GPR155: variants seen among roughly 807,000 people sequenced by gnomAD.
GPR155 encodes G protein-coupled receptor 155.
In GPR155, 65 loss-of-function variants were observed where a neutral mutation model predicts 93.1. The observed-to-expected ratio is 0.70, with a 90% confidence interval of 0.57 to 0.86. GPR155 has a LOEUF of 0.86. GPR155 is among the 40% of genes least tolerant of loss of function. The pLI, the probability that GPR155 is intolerant of heterozygous loss-of-function variation, is 0.00. For missense variants in GPR155, 838 were observed against 1,034.8 expected, an observed-to-expected ratio of 0.81 and a Z score of 2.61; for synonymous variants, 319 against 360.1, an observed-to-expected ratio of 0.89 and a Z score of 1.29.
chr2:174,471,621 G>A (rs1180685104), intron 3 of GPR155, among the ~76,000 whole-genome samples: 1 of 151,904 alleles, frequency 6.6e-6, no homozygotes, highest in Non-Finnish European at 1.5e-5. Context: ...GAGCAAATAG[G>A]GCTCTCCTTT....
At chr2:174,466,735 G>A (rs537036864) in intron 5 of GPR155, 108 bp from the exon 6 acceptor site, 32 of 613,808 alleles carry the variant, frequency 5.2e-5, no homozygotes, top group Admixed American at 2.8e-4. Flanking sequence ...GTCCTGGTTC[G>A]GAAAGAATTT....
intron 14 of GPR155, 22 bp from the exon 15 acceptor site, chr2:174,440,057 A>T: frequency 6.2e-7 from 1 of 1,601,148 alleles, no homozygotes; most frequent in Non-Finnish European, 8.5e-7. Context: ...ATTTATGGCC[A>T]TTTTTAAGGA....
rs114206463 is a variant in GPR155, at chr2:174,484,584, T to A, written c.-32+2289A>T. 9.3e-3 allele frequency among the ~76,000 whole-genome samples: 1,420 copies of A among 152,312 alleles called. 9 individuals are homozygous for A. The highest frequency in any genetic ancestry group is 0.015 in the Non-Finnish European group (1,054 of 68,034). ...GCTTTATGGTTTATCAACTCATAAG[T>A]TACTTAGTCTTTCTGAACCTTTGTT... On this transcript the variant is annotated intron_variant, in intron 1 of 15. Coordinates refer to ENST00000392552, the MANE Select transcript of GPR155 (RefSeq NM_152529.7).
chr2:174,463,538 G>A (rs1163499715), intron 7 of GPR155, among the ~76,000 whole-genome samples: 1 of 152,160 alleles, frequency 6.6e-6, no homozygotes, highest in Non-Finnish European at 1.5e-5. Context: ...TTTGAGTCAA[G>A]TGAAGGCCAA....
chr2:174,469,395 A>C (rs755715130), intron 4 of GPR155, among the ~76,000 whole-genome samples: 4 of 152,258 alleles, frequency 2.6e-5, no homozygotes, highest in Non-Finnish European at 5.9e-5. Context: ...CCTGTTTCAC[A>C]AACTATGTGG....
chr2:174,471,869 TTGTTTC>T (rs1335528613), intron 3 of GPR155, among the ~76,000 whole-genome samples: 4 of 152,236 alleles, frequency 2.6e-5, no homozygotes, highest in Non-Finnish European at 5.9e-5. Flanking sequence ...TACTAATACT[TTGTTTC>T]TGAAGAGCAT....
chr2:174,479,480 G>A (rs780190794), intron 2 of GPR155, among the ~76,000 whole-genome samples: 26 of 152,124 alleles, frequency 1.7e-4, no homozygotes, highest in Non-Finnish European at 4.4e-5. Context: ...TGTATGACCT[G>A]GGATAAAATA....
chr2:174,444,896 C>T (rs12993286), intron 13 of GPR155, among the ~76,000 whole-genome samples, 185 bp downstream of exon 13: 37,985 of 152,050 alleles, frequency 0.25, 5,691 homozygotes, highest in Middle Eastern at 0.47. Flanking sequence ...TATAATAATT[C>T]GTCTCTACTA....
At chr2:174,449,615 C>T (rs1267524502) in intron 11 of GPR155, among the ~76,000 whole-genome samples, 3 of 152,116 alleles carry the variant, frequency 2.0e-5, no homozygotes, top group Non-Finnish European at 2.9e-5. Flanking sequence ...GAGGACAAGG[C>T]GGGCAGATCG....
chr2:174,442,298 A>G, intron 13 of GPR155, 115 bp from the exon 14 acceptor site: 2 of 633,492 alleles, frequency 3.2e-6, no homozygotes, highest in South Asian at 3.5e-5. Context: ...TAGTGACAAG[A>G]GCAACATTTT....
intron 14 of GPR155, among the ~76,000 whole-genome samples, chr2:174,441,723 T>TTGTGTG (rs3043735): frequency 2.0e-5 from 3 of 148,092 alleles, no homozygotes; most frequent in South Asian, 2.2e-4. Flanking sequence ...ATCAGTATCT[T>TTGTGTG]TGTGTGTGTG....
At chr2:174,465,650 G>C (rs1354577389) in intron 7 of GPR155, 135 bp downstream of exon 7, 2 of 530,702 alleles carry the variant, frequency 3.8e-6, no homozygotes, top group African/African-American at 3.8e-5. Flanking sequence ...GGCCTCTGTG[G>C]GTGGGCTGAT....
chr2:174,446,571 A>T (rs1474391140), intron 12 of GPR155, 40 bp downstream of exon 12: 1 of 1,575,478 alleles, frequency 6.3e-7, no homozygotes, highest in East Asian at 2.3e-5. Context: ...CCAAAAATTT[A>T]AAGAAATGGC....
intron 5 of GPR155, among the ~76,000 whole-genome samples, chr2:174,467,178 C>A (rs893124462): frequency 6.6e-6 from 1 of 151,396 alleles, no homozygotes; most frequent in African/African-American, 2.4e-5. Context: ...CAAAACAAAA[C>A]AAAACAAAAC....
intron 15 of GPR155, among the ~76,000 whole-genome samples, chr2:174,437,462 G>T (rs1428368998): frequency 3.3e-5 from 5 of 151,636 alleles, no homozygotes; most frequent in Admixed American, 3.3e-4. Context: ...TTAGAGATAA[G>T]TTATCTTAAT....
rs915526359 is a variant in GPR155, at chr2:174,487,020, C to G, written c.-179G>C. 6.6e-6 allele frequency: 1 copy of G among 152,178 alleles called. No individual in the cohort carries two copies. Among genetic ancestry groups the G allele is most frequent in the Non-Finnish European group, 1.5e-5 (1 of 68,104 alleles). 9.4% of individuals were successfully genotyped at this position (152,178 alleles called of 1,614,324 possible). The stretch of plus-strand genomic sequence containing the variant: ...CCAGCTGCAGCAGCTTAGGCACGTT[C>G]CGATAAAGTAAGGTGGGGTAAGCCG... On this transcript the variant is annotated 5_prime_UTR_variant, in exon 1 of 16. Transcript: ENST00000392552.
intron 13 of GPR155, among the ~76,000 whole-genome samples, chr2:174,443,803 G>A (rs1399152372): frequency 6.6e-6 from 1 of 151,976 alleles, no homozygotes; most frequent in East Asian, 1.9e-4. Flanking sequence ...TATGTAAGAT[G>A]TAATTTATCC....
chr2:174,482,696 C>T (rs1688361267), intron 1 of GPR155, among the ~76,000 whole-genome samples: 1 of 152,088 alleles, frequency 6.6e-6, no homozygotes, highest in African/African-American at 2.4e-5. Flanking sequence ...ATTTTTGTAG[C>T]GACATGTTGC....
At chr2:174,442,321 C>T (rs761672827) in intron 13 of GPR155, 138 bp from the exon 14 acceptor site, 37 of 583,196 alleles carry the variant, frequency 6.3e-5, no homozygotes, top group Non-Finnish European at 1.0e-4. Flanking sequence ...GTGGAACACA[C>T]AAAGTAGGCC....
Sources: gnomAD v4.1 joint callset for allele counts (sites outside exome capture counted in the v4.1 genomes callset) on GRCh38, gnomAD v4.1.1 for gene constraint, MANE v1.5 for transcripts, NCBI Gene and HGNC (gene_info 2026-07-23, HGNC 2026-07-21) for gene names.